IGF2R: variants seen among roughly 807,000 people sequenced by gnomAD.
IGF2R encodes cation-independent mannose-6-phosphate receptor.
In IGF2R, 91 loss-of-function variants were observed where a neutral mutation model predicts 270.6. The observed-to-expected ratio is 0.34, with a 90% confidence interval of 0.28 to 0.40. The LOEUF is 0.40. Ranked by LOEUF, IGF2R falls within the 10% of genes least tolerant of loss-of-function variation. The probability of loss-of-function intolerance (pLI) is 1.00; values close to 1 mark genes in which losing one functional copy is unlikely to be tolerated. For missense variants in IGF2R, 2,805 were observed against 3,188.3 expected (o/e 0.88, Z 2.90); for synonymous variants, 1,316 against 1,258.9 (o/e 1.05, Z -0.96).
At chr6:159,971,911 C>T (rs1583234587) in intron 1 of IGF2R, among the ~76,000 whole-genome samples, 1 of 152,178 alleles carries the variant, frequency 6.6e-6, no homozygotes, top group Non-Finnish European at 1.5e-5. Context: ...CCTGCGTCAG[C>T]CTCCCAAAGT....
intron 1 of IGF2R, among the ~76,000 whole-genome samples, chr6:159,973,511 G>C (rs1300685637): frequency 1.3e-5 from 2 of 152,152 alleles, no homozygotes; most frequent in Non-Finnish European, 2.9e-5. Context: ...GGGAGTTGAG[G>C]TTGGTTTAGT....
intron 2 of IGF2R, among the ~76,000 whole-genome samples, chr6:159,995,529 G>A (rs1396657292): frequency 6.6e-6 from 1 of 152,062 alleles, no homozygotes; most frequent in Non-Finnish European, 1.5e-5. Flanking sequence ...TTTATAAGAT[G>A]TGAGTTTTAT....
At position 160,038,732 on chromosome 6, in the gene IGF2R, G is replaced by A. The variant is rs182605002; in HGVS notation, c.1316-1828G>A. Reference sequence around the variant, plus strand: ...CCTCTGGGTTGTCAGCTGCGCCCAGGAGGTGAAGGTGGAAGGCATTCCTTA... The same window carrying A: ...CCTCTGGGTTGTCAGCTGCGCCCAGAAGGTGAAGGTGGAAGGCATTCCTTA... On this transcript the variant is annotated intron_variant, in intron 10 of 47. Coordinates refer to ENST00000356956, the MANE Select transcript of IGF2R (RefSeq NM_000876.4). Among the ~76,000 whole-genome samples, 203 of 152,274 alleles carry A rather than the reference G, an allele frequency of 1.3e-3. 2 individuals carry two copies. Among genetic ancestry groups the A allele is most frequent in the Admixed American group, 0.012 (179 of 15,296 alleles).
chr6:160,056,368 G>T (rs1430226187), intron 19 of IGF2R, 56 bp from the exon 20 acceptor site: 9 of 1,189,322 alleles, frequency 7.6e-6, no homozygotes, highest in Admixed American at 1.7e-5. Flanking sequence ...TATTCTTTTG[G>T]TTCTATCAAG....
Position 160,104,785 on chromosome 6 carries a change from A to G in IGF2R, c.7177A>G (p.Thr2393Ala). The G allele has an allele frequency of 1.2e-6, 2 of 1,614,052 alleles. No homozygotes were observed. The highest frequency in any genetic ancestry group is 1.7e-6 in the Non-Finnish European group (2 of 1,180,012). The change falls in exon 48 of 48, where the codon ACC becomes GCC. Residue 2393 changes from threonine (T) to alanine (A), a missense_variant. Around this residue, in one of 2 missense-constraint regions of IGF2R, gnomAD observed 1,851 missense variants for 2,207.2 expected, o/e 0.84. Coordinates refer to ENST00000356956, the MANE Select transcript of IGF2R (RefSeq NM_000876.4). ...AGGGCAGGAGAACGGCCATATTACC[A>G]CCAAGTCAGTGAAAGCCCTCAGCTC... The part of the protein sequence containing the change: ...KEGQENGHIT[T>A]KSVKALSSLH...
At chr6:160,067,722 C>G (rs1028851690) in intron 29 of IGF2R, among the ~76,000 whole-genome samples, 1 of 152,172 alleles carries the variant, frequency 6.6e-6, no homozygotes, top group African/African-American at 2.4e-5. Context: ...CAGTTACTGT[C>G]TGTATTTGGG....
intron 44 of IGF2R, among the ~76,000 whole-genome samples, chr6:160,092,465 G>A (rs575405650): frequency 3.9e-5 from 6 of 152,356 alleles, no homozygotes; most frequent in Non-Finnish European, 8.8e-5. Context: ...TTGTGCATGC[G>A]CATTTAGTCA....
chr6:160,019,620 G>A (rs924320453), intron 4 of IGF2R, among the ~76,000 whole-genome samples: 1 of 152,162 alleles, frequency 6.6e-6, no homozygotes, highest in South Asian at 2.1e-4. Context: ...AATACATCAC[G>A]ATCAAGTGGG....
At chr6:159,994,464 T>G (rs1202116975) in intron 2 of IGF2R, among the ~76,000 whole-genome samples, 2 of 152,076 alleles carry the variant, frequency 1.3e-5, no homozygotes, top group African/African-American at 2.4e-5. Flanking sequence ...TCTGCTCTGA[T>G]TTTTGTTATT....
rs772639032 is a variant in IGF2R, at chr6:160,058,085, G to A, written c.2859G>A (p.Ser953=). Residue 953 remains serine, a synonymous_variant, in exon 21 of 48, where the codon TCG becomes TCA. Transcript: ENST00000356956. ...FVFNLNPLNS[S]QGYNVSGIGK... The stretch of plus-strand genomic sequence containing the variant: ...TTAATCTTAATCCGCTAAACAGTTC[G>A]CAAGGATATAACGTCTCTGGCATTG... 1.4e-5 allele frequency: 23 copies of A among 1,613,206 alleles called. No homozygotes were observed. Among genetic ancestry groups the A allele is most frequent in the South Asian group, 1.3e-4 (12 of 91,064 alleles).
At chr6:160,014,320 C>T (rs988991807) in intron 4 of IGF2R, among the ~76,000 whole-genome samples, 3 of 152,186 alleles carry the variant, frequency 2.0e-5, no homozygotes, top group Admixed American at 2.0e-4. Flanking sequence ...CAACCTCGCT[C>T]CCCAGGCTGC....
intron 1 of IGF2R, among the ~76,000 whole-genome samples, chr6:159,990,516 TA>T (rs1312149362): frequency 6.6e-6 from 1 of 152,244 alleles, no homozygotes; most frequent in African/African-American, 2.4e-5. Context: ...ATGAGTCAAT[TA>T]AACCTCTTTC....
At chr6:160,007,074 C>T (rs1173790904) in intron 2 of IGF2R, 2 of 152,070 alleles carry the variant, frequency 1.3e-5, no homozygotes, top group Non-Finnish European at 2.9e-5. Context: ...TTTATTCCTT[C>T]TGACTGCTGT....
chr6:160,056,654 T>C (rs1376828717), intron 20 of IGF2R, 129 bp downstream of exon 20: 2 of 683,374 alleles, frequency 2.9e-6, no homozygotes, highest in African/African-American at 1.8e-5. Flanking sequence ...GCATTGACAA[T>C]GGGTGTCTGC....
At chr6:160,030,075 G>A (rs1235608730) in intron 7 of IGF2R, among the ~76,000 whole-genome samples, 10 of 152,106 alleles carry the variant, frequency 6.6e-5, no homozygotes, top group Non-Finnish European at 1.5e-4. Flanking sequence ...TTCCCAGTCT[G>A]CCCCTAAACC....
At chr6:160,104,486 G>A (rs1779568084) in intron 47 of IGF2R, among the ~76,000 whole-genome samples, 188 bp from the exon 48 acceptor site, 1 of 152,050 alleles carries the variant, frequency 6.6e-6, no homozygotes, top group Admixed American at 6.5e-5. Context: ...AGTCTCATTA[G>A]GAACAGGAAG....
chr6:160,012,745 T>TTATATA lies in IGF2R; in HGVS notation c.513+1974_513+1979dup, dbSNP rs201706423. ...GCATGAGCCACCATGCCCGGCTAATTTATATATATATATATATATTTTTTT... is the reference window on the plus strand; with the variant it reads ...GCATGAGCCACCATGCCCGGCTAATTTATATATATATATATATATATATATTTTTTT... On this transcript the variant is annotated intron_variant, in intron 4 of 47. Coordinates refer to ENST00000356956, the MANE Select transcript of IGF2R (RefSeq NM_000876.4). 2.8e-5 allele frequency among the ~76,000 whole-genome samples: 3 copies of TTATATA among 105,338 alleles called. No homozygotes were observed. The East Asian group carries it at 1.7e-3, about 60-fold the overall frequency. The allele number at this position is 105,338 out of a possible 152,430, so 69.1% of individuals were successfully genotyped here. A position where few individuals can be genotyped will look rare whatever the true frequency, so the allele number is the denominator to read the frequency against.
rs527878072 is a variant in IGF2R at position 160,040,716 on chromosome 6, G to A, written c.1472G>A (p.Arg491His). The change falls in exon 11 of 48, where the codon CGC (arginine) becomes CAC (histidine). Residue 491 changes from arginine to histidine, a missense_variant. By Grantham distance (29) the Arg-to-His change is conservative. Transcript: ENST00000356956. ...CGCTATGACCTGTCCGCGCTGGTCC[G>A]CCATGCAGGTACTGCCCTCCTTGCC... is the stretch of plus-strand genomic sequence containing the variant. Reference protein sequence around the residue: ...KKRYDLSALVRHAEPEQNWEA... With the variant: ...KKRYDLSALVHHAEPEQNWEA... 1.1e-5 allele frequency: 18 copies of A among 1,612,976 alleles called. No homozygotes were observed. Among genetic ancestry groups the A allele is most frequent in the Middle Eastern group, 1.7e-4 (1 of 5,956 alleles).
intron 39 of IGF2R, among the ~76,000 whole-genome samples, chr6:160,081,877 C>T (rs995660856): frequency 4.7e-4 from 72 of 152,366 alleles, no homozygotes; most frequent in African/African-American, 1.4e-3. Context: ...CACTGTTATC[C>T]TGTTCTTAAG....
Sources: gnomAD v4.1 joint callset for allele counts (sites outside exome capture counted in the v4.1 genomes callset) on GRCh38, gnomAD v4.1.1 for gene constraint, gnomAD v4.1.1 regional missense constraint, MANE v1.5 for transcripts, NCBI Gene and HGNC (gene_info 2026-07-23, HGNC 2026-07-21) for gene names.